Variants in HS1BP3 observed in about 807,000 individuals in gnomAD.
HS1BP3 encodes HCLS1-binding protein 3.
A neutral mutation model predicts 33.5 loss-of-function variants in HS1BP3; 32 were observed. That is an observed-to-expected ratio of 0.95 (90% CI 0.72 to 1.28). HS1BP3 has a LOEUF of 1.28. Ranked by LOEUF, HS1BP3 falls within the 50% of genes most tolerant of loss-of-function variation. HS1BP3 has a pLI of 0.00. For synonymous variants in HS1BP3, 187 were observed against 209.2 expected, an observed-to-expected ratio of 0.89 and a Z score of 0.92; for missense variants, 486 against 502.3, an observed-to-expected ratio of 0.97 and a Z score of 0.31.
chr2:20,572,751 G>T (rs1180679071), intron 5 of HS1BP3, among the ~76,000 whole-genome samples: 2 of 152,206 alleles, frequency 1.3e-5, no homozygotes, highest in East Asian at 3.9e-4. Flanking sequence ...CCGGGGATCA[G>T]CTCCCAGCCT....
chr2:20,623,851 G>C (rs776667497), intron 6 of HS1BP3, 45 bp downstream of exon 6: 1 of 1,589,058 alleles, frequency 6.3e-7, no homozygotes, highest in Non-Finnish European at 8.6e-7. Context: ...GCTCTGTCCA[G>C]AACACTCTCA....
chr2:20,604,186 G>A (rs1694126126), intron 2 of HS1BP3, among the ~76,000 whole-genome samples: 1 of 152,240 alleles, frequency 6.6e-6, no homozygotes, highest in Non-Finnish European at 1.5e-5. Context: ...GGCAGGAGCT[G>A]CAGTGTAGCT....
chr2:20,636,792 T>G (rs1033358132), intron 4 of HS1BP3: 4 of 152,368 alleles, frequency 2.6e-5, no homozygotes, highest in Admixed American at 1.3e-4. Flanking sequence ...ACAGATATAA[T>G]GAGATCATGC....
downstream of HS1BP3, among the ~76,000 whole-genome samples, chr2:20,614,054 CACAG>C (rs1297053535): frequency 6.6e-6 from 1 of 152,090 alleles, no homozygotes; most frequent in African/African-American, 2.4e-5. Context: ...GAAATTTGGG[CACAG>C]ACACAGAGAA....
chr2:20,604,670 T>G (rs1572326802), intron 2 of HS1BP3, among the ~76,000 whole-genome samples: 1 of 152,132 alleles, frequency 6.6e-6, no homozygotes, highest in Non-Finnish European at 1.5e-5. Context: ...GCTTAGAGAG[T>G]GAGCAAGCTG....
chr2:20,596,470 A>ACTT (rs1329336113), intron 3 of HS1BP3, among the ~76,000 whole-genome samples: 1 of 152,192 alleles, frequency 6.6e-6, no homozygotes, highest in Non-Finnish European at 1.5e-5. Context: ...CTGCCTTGCC[A>ACTT]CTTTCACATG....
chr2:20,645,627 C>T, intron 1 of HS1BP3, 122 bp from the exon 2 acceptor site: 1 of 962,772 alleles, frequency 1.0e-6, no homozygotes, highest in Non-Finnish European at 1.5e-6. Context: ...TGCTGGCTGT[C>T]CTCAGTGGTC....
chr2:20,587,915 T>C (rs115443589), downstream of HS1BP3, among the ~76,000 whole-genome samples: 372 of 152,236 alleles, frequency 2.4e-3, no homozygotes, highest in African/African-American at 7.4e-3. Flanking sequence ...CTTCTCCCTG[T>C]CTCAACGTCC....
chr2:20,646,349 G>A (rs541605927), intron 1 of HS1BP3, among the ~76,000 whole-genome samples: 40 of 152,150 alleles, frequency 2.6e-4, no homozygotes, highest in Non-Finnish European at 5.0e-4. Flanking sequence ...CTGAAAACAC[G>A]GGAGGAGCTT....
At chr2:20,624,646 T>G in intron 5 of HS1BP3, 86 bp downstream of exon 5, 1 of 1,303,886 alleles carries the variant, frequency 7.7e-7, no homozygotes, top group Middle Eastern at 2.4e-4. Context: ...ATGGGTCCTA[T>G]TCACGCCGGG....
chr2:20,609,040 C>G (rs1694260295), intron 2 of HS1BP3, among the ~76,000 whole-genome samples: 1 of 152,332 alleles, frequency 6.6e-6, no homozygotes, highest in South Asian at 2.1e-4. Flanking sequence ...GGAAAACAAA[C>G]CCCAAAACCT....
intron 6 of HS1BP3, chr2:20,623,455 C>G: frequency 6.5e-6 from 1 of 154,936 alleles, no homozygotes; most frequent in Non-Finnish European, 1.4e-5. Context: ...TCTGTGAAAG[C>G]TGCCGACCGG....
rs115975703 is a variant in HS1BP3 at position 20,571,140 on chromosome 2, C to T, written c.303-10625G>A. On this transcript the variant is annotated intron_variant, in intron 5 of 5. Transcript: ENST00000446825. ...GAGGCTTAGTGTTTGCTAGACTTTG[C>T]GGTTAAAGGAAAAAACAAAACTGAA... Among the ~76,000 whole-genome samples the T allele has an allele frequency of 7.9e-3, 1,200 of 152,280 alleles. 16 individuals carry two copies. The highest frequency in any genetic ancestry group is 0.027 in the African/African-American group (1,105 of 41,536).
intron 3 of HS1BP3, among the ~76,000 whole-genome samples, chr2:20,597,960 C>T (rs561113614): frequency 1.3e-5 from 2 of 152,238 alleles, no homozygotes; most frequent in South Asian, 4.2e-4. Context: ...GAGCCAGGCT[C>T]AGCCCTGGTG....
intron 4 of HS1BP3, among the ~76,000 whole-genome samples, chr2:20,634,350 C>T (rs1695056704): frequency 6.6e-6 from 1 of 152,232 alleles, no homozygotes; most frequent in Non-Finnish European, 1.5e-5. Flanking sequence ...GGGGGCCCTA[C>T]CCAGATCTGA....
At chr2:20,605,007 T>C (rs925469991) in intron 2 of HS1BP3, among the ~76,000 whole-genome samples, 3 of 152,210 alleles carry the variant, frequency 2.0e-5, no homozygotes, top group Non-Finnish European at 2.9e-5. Flanking sequence ...ATGTTCCCAG[T>C]TCCAGCCTTG....
At chr2:20,568,773 T>C (rs758516341) in intron 5 of HS1BP3, among the ~76,000 whole-genome samples, 1 of 152,076 alleles carries the variant, frequency 6.6e-6, no homozygotes, top group African/African-American at 2.4e-5. Flanking sequence ...CCATAAGACA[T>C]AGTGCTTATC....
At chr2:20,555,423 A>G in the HS1BP3 span, among the ~76,000 whole-genome samples, 1 of 152,200 alleles carries the variant, frequency 6.6e-6, no homozygotes, top group Admixed American at 6.5e-5. Context: ...CATTAATCCA[A>G]TATGTGGCCC....
At chr2:20,622,675 C>T in intron 6 of HS1BP3, 1 of 232,746 alleles carries the variant, frequency 4.3e-6, no homozygotes, top group Admixed American at 4.7e-5. Flanking sequence ...GAGAGCCACC[C>T]CACTGGGACA....
Sources: gnomAD v4.1 joint callset for allele counts (sites outside exome capture counted in the v4.1 genomes callset) on GRCh38, gnomAD v4.1.1 for gene constraint, MANE v1.5 for transcripts, NCBI Gene and HGNC (gene_info 2026-07-23, HGNC 2026-07-21) for gene names.